EIF5B: variants seen among roughly 807,000 people sequenced by gnomAD.
EIF5B encodes the protein eIF-5B.
Under a neutral mutation model 147.5 loss-of-function variants are expected in EIF5B, and 47 were observed. The observed-to-expected ratio is 0.32, with a 90% CI of 0.25 to 0.41. The LOEUF (loss-of-function observed/expected upper bound fraction) is 0.41. EIF5B is among the 10% of genes least tolerant of loss of function. The pLI is 1.00. For synonymous variants in EIF5B, 455 were observed against 456.2 expected, an observed-to-expected ratio of 1.00 and a Z score of 0.03; for missense variants, 1,064 against 1,413.2, an observed-to-expected ratio of 0.75 and a Z score of 3.96.
Position 99,382,884 on chromosome 2 carries a change from A to G in EIF5B, c.2234A>G (p.Lys745Arg). The change falls in exon 14 of 24, where the codon AAA becomes AGA. Residue 745 changes from lysine (K) to arginine (R), a missense_variant. Around this residue, in one of 4 missense-constraint regions of EIF5B, gnomAD observed 380 missense variants for 715.6 expected, o/e 0.53. Transcript: ENST00000289371. ...ACAATTGAGTCTATCAACCTTCTCA[A>G]ATCTAAAAAATGTCCCTTCATTGTT... ...PQTIESINLLKSKKCPFIVAL... is the reference protein window; with the variant it reads ...PQTIESINLLRSKKCPFIVAL... 6.2e-7 allele frequency: 1 copy of G among 1,610,500 alleles called. No homozygotes were observed. The highest frequency in any genetic ancestry group is 8.5e-7 in the Non-Finnish European group (1 of 1,178,876).
intron 14 of EIF5B, among the ~76,000 whole-genome samples, chr2:99,386,846 C>G (rs1559258577): frequency 6.6e-6 from 1 of 152,028 alleles, no homozygotes; most frequent in African/African-American, 2.4e-5. Context: ...CGCCCAGCCT[C>G]CTTTTCTTAA....
At chr2:99,354,453 A>C (rs1559245959) in intron 1 of EIF5B, among the ~76,000 whole-genome samples, 1 of 152,112 alleles carries the variant, frequency 6.6e-6, no homozygotes, top group Admixed American at 6.6e-5. Flanking sequence ...GTGATTTGGA[A>C]ATATTTTTTC....
chr2:99,387,505 C>T (rs1674837999), intron 14 of EIF5B, among the ~76,000 whole-genome samples: 1 of 152,126 alleles, frequency 6.6e-6, no homozygotes, highest in Non-Finnish European at 1.5e-5. Flanking sequence ...ATCTTTTGTT[C>T]CATTGCTCTA....
chr2:99,338,701 T>C (rs2094250373), intron 1 of EIF5B, among the ~76,000 whole-genome samples: 1 of 152,062 alleles, frequency 6.6e-6, no homozygotes, highest in African/African-American at 2.4e-5. Context: ...TTAAACCAGA[T>C]GAATGAGAAA....
At chr2:99,347,825 G>C (rs1029649989) in intron 1 of EIF5B, among the ~76,000 whole-genome samples, 1 of 152,056 alleles carries the variant, frequency 6.6e-6, no homozygotes, top group Non-Finnish European at 1.5e-5. Context: ...AATTTTGGGG[G>C]GTAGGGGTTG....
intron 9 of EIF5B, among the ~76,000 whole-genome samples, chr2:99,373,852 G>A (rs542606307): frequency 6.6e-6 from 1 of 151,814 alleles, no homozygotes; most frequent in East Asian, 1.9e-4. Context: ...GAGCTTAGCA[G>A]TTGTATACCT....
chr2:99,339,427 A>C (rs2094253974), intron 1 of EIF5B, among the ~76,000 whole-genome samples: 1 of 152,080 alleles, frequency 6.6e-6, no homozygotes, highest in Non-Finnish European at 1.5e-5. Context: ...ATATTCAGTC[A>C]GTTTGCTGAT....
At chr2:99,346,589 CTTTTTTTTTTTTT>C (rs773411395) in intron 1 of EIF5B, among the ~76,000 whole-genome samples, 8 of 61,648 alleles carry the variant, frequency 1.3e-4, no homozygotes, top group Admixed American at 2.8e-4. Flanking sequence ...AGTTGTATCT[CTTTTTTTTTTTTT>C]TTTTTTTTTT....
intron 15 of EIF5B, 43 bp from the exon 16 acceptor site, chr2:99,390,176 G>T: frequency 1.2e-6 from 2 of 1,610,092 alleles, no homozygotes; most frequent in Non-Finnish European, 1.7e-6. Flanking sequence ...TTCCAGATAC[G>T]TTTTCTTTAC....
chr2:99,371,840 G>A (rs923989831), intron 9 of EIF5B, 110 bp downstream of exon 9: 3 of 997,484 alleles, frequency 3.0e-6, no homozygotes, highest in Middle Eastern at 5.9e-4. Context: ...ACATTTCTGG[G>A]GATAGGGATA....
At chr2:99,339,570 C>T (rs1251240601) in intron 1 of EIF5B, among the ~76,000 whole-genome samples, 1 of 151,884 alleles carries the variant, frequency 6.6e-6, no homozygotes, top group African/African-American at 2.4e-5. Flanking sequence ...GATGGAGGGG[C>T]AGTCTCACTA....
chr2:99,355,662 G>C (rs1674081224), intron 1 of EIF5B, among the ~76,000 whole-genome samples: 1 of 141,028 alleles, frequency 7.1e-6, no homozygotes, highest in Admixed American at 7.6e-5. Flanking sequence ...GCCCAGGCTG[G>C]AGTGCAGTGG....
chr2:99,344,241 A>G (rs977793592), intron 1 of EIF5B, among the ~76,000 whole-genome samples: 4 of 152,150 alleles, frequency 2.6e-5, no homozygotes, highest in Admixed American at 2.6e-4. Context: ...ATATGTGGAT[A>G]TCTAGTTGTC....
rs140952427 is a variant in EIF5B, at chr2:99,393,460, C to T, written c.2880+362C>T. On this transcript the variant is annotated intron_variant, in intron 18 of 23. Transcript: ENST00000289371. ...GGCAGAGGCTGCAGTGAGCCAAGAT[C>T]GTGCCACTGCACTCCAACCTGGGTG... is the stretch of plus-strand genomic sequence containing the variant. 8.6e-5 allele frequency among the ~76,000 whole-genome samples: 13 copies of T among 151,702 alleles called. No individual in the cohort carries two copies. In the East Asian group the frequency reaches 1.8e-3, roughly 21 times the overall value.
At chr2:99,364,506 T>TGTCCTGATGCAAA in intron 6 of EIF5B, 85 bp downstream of exon 6, 1 of 1,318,066 alleles carries the variant, frequency 7.6e-7, no homozygotes, top group Non-Finnish European at 1.0e-6. Flanking sequence ...GAGAATGGAA[T>TGTCCTGATGCAAA]TTGCATCAGG....
chr2:99,343,955 G>T (rs1269721524), intron 1 of EIF5B, among the ~76,000 whole-genome samples: 3 of 150,582 alleles, frequency 2.0e-5, no homozygotes, highest in African/African-American at 7.3e-5. Context: ...GTCTCGCTCT[G>T]TCGCCTAGGC....
chr2:99,354,687 C>G (rs1674054840), intron 1 of EIF5B, among the ~76,000 whole-genome samples: 1 of 151,604 alleles, frequency 6.6e-6, no homozygotes. Context: ...TGGATAAGGA[C>G]TGAGGGTGAG....
chr2:99,364,442 A>G (rs1303078480), intron 6 of EIF5B, 21 bp downstream of exon 6: 7 of 1,564,616 alleles, frequency 4.5e-6, no homozygotes, highest in Non-Finnish European at 5.2e-6. Flanking sequence ...CTCTTCATTA[A>G]CTGAATGGTC....
intron 1 of EIF5B, among the ~76,000 whole-genome samples, chr2:99,354,826 A>G (rs6720885): frequency 0.45 from 59,052 of 130,752 alleles, 13,080 homozygotes; most frequent in Admixed American, 0.6. Flanking sequence ...TTTTTGAGAC[A>G]GTGTTTCCGT....
Sources: gnomAD v4.1 joint callset for allele counts (sites outside exome capture counted in the v4.1 genomes callset) on GRCh38, gnomAD v4.1.1 for gene constraint, gnomAD v4.1.1 regional missense constraint, MANE v1.5 for transcripts, NCBI Gene and HGNC (gene_info 2026-07-23, HGNC 2026-07-21) for gene names.